The following SYBU variants were observed in gnomAD, a reference collection of about 807,000 sequenced individuals.
SYBU encodes GOLSYN A protein.
In SYBU, 21 loss-of-function variants were observed where a neutral mutation model predicts 35.9. The ratio of observed to expected loss-of-function variants is 0.58; its 90% confidence interval spans 0.41 to 0.84. SYBU has a LOEUF of 0.84. Ranked by LOEUF, SYBU falls within the 40% of genes least tolerant of loss-of-function variation. SYBU has a pLI of 0.00. For missense variants in SYBU, 768 were observed against 848.2 expected (o/e 0.91, Z 1.17); for synonymous variants, 319 against 324.3 (o/e 0.98, Z 0.18).
At chr8:109,645,634 T>TTG (rs1815606630), upstream of SYBU, 1 of 164,962 alleles carries the variant, frequency 6.1e-6, no homozygotes, top group African/African-American at 2.8e-5. Flanking sequence ...TCGTTTTTTG[T>TTG]TTTTTTTTTT....
chr8:109,627,361 G>T (rs962104893), intron 2 of SYBU, among the ~76,000 whole-genome samples: 1 of 152,074 alleles, frequency 6.6e-6, no homozygotes, highest in African/African-American at 2.4e-5. Context: ...TAGTTTAATG[G>T]AGACAGATAA....
At chr8:109,658,232 T>C (rs1816428427) in intron 1 of SYBU, among the ~76,000 whole-genome samples, 1 of 152,162 alleles carries the variant, frequency 6.6e-6, no homozygotes, top group Non-Finnish European at 1.5e-5. Context: ...TTTTAGGCCT[T>C]TTGTGATTTT....
intron 1 of SYBU, among the ~76,000 whole-genome samples, chr8:109,677,592 T>C (rs1284195797): frequency 6.6e-6 from 1 of 152,240 alleles, no homozygotes; most frequent in Non-Finnish European, 1.5e-5. Flanking sequence ...TTAAAATTAA[T>C]AAGCTGAGGA....
At chr8:109,663,453 A>G (rs894609099) in intron 1 of SYBU, among the ~76,000 whole-genome samples, 2 of 152,152 alleles carry the variant, frequency 1.3e-5, no homozygotes, top group Non-Finnish European at 2.9e-5. Flanking sequence ...ACTTGCATAA[A>G]TATTCCAATT....
rs1167637960 is a variant in SYBU, at chr8:109,574,814, A to C, written c.*92T>G. On this transcript the variant is annotated 3_prime_UTR_variant, in exon 7 of 7. Coordinates refer to ENST00000276646, the MANE Select transcript of SYBU (RefSeq NM_001099754.2). ...CAAATACCAAGGAGCAAAACGACAG[A>C]ATAGAGACTGTCACAGATGATTGAC... The C allele has an allele frequency of 1.5e-6, 2 of 1,378,976 alleles. No homozygotes were observed. Among genetic ancestry groups the C allele is most frequent in the Non-Finnish European group, 2.0e-6 (2 of 1,023,084 alleles). 85.4% of individuals were successfully genotyped at this position (1,378,976 alleles called of 1,614,324 possible). A position where few individuals can be genotyped will look rare whatever the true frequency, so the allele number is the denominator to read the frequency against.
intron 1 of SYBU, among the ~76,000 whole-genome samples, chr8:109,667,448 G>C (rs1473764302): frequency 6.6e-6 from 1 of 150,676 alleles, no homozygotes; most frequent in East Asian, 2.0e-4. Flanking sequence ...GTACTCCCTA[G>C]AAATAAACAA....
chr8:109,590,564 A>G (rs1000666021), intron 3 of SYBU, among the ~76,000 whole-genome samples: 1 of 152,130 alleles, frequency 6.6e-6, no homozygotes, highest in Non-Finnish European at 1.5e-5. Context: ...ACACACACAC[A>G]TAAACAGCTA....
intron 1 of SYBU, among the ~76,000 whole-genome samples, chr8:109,670,137 G>A (rs919511633): frequency 5.3e-5 from 8 of 151,770 alleles, no homozygotes; most frequent in African/African-American, 1.7e-4. Context: ...GTAGAAATTA[G>A]CTTCTGTTTT....
At chr8:109,651,792 G>T (rs1816152752) in intron 1 of SYBU, among the ~76,000 whole-genome samples, 1 of 151,996 alleles carries the variant, frequency 6.6e-6, no homozygotes, top group African/African-American at 2.4e-5. Flanking sequence ...TGTCTTGCTT[G>T]CTTGTTTCAC....
chr8:109,647,996 A>T (rs948038852), upstream of SYBU: 1 of 152,162 alleles, frequency 6.6e-6, no homozygotes, highest in African/African-American at 2.4e-5. Flanking sequence ...TTCTCATGTC[A>T]TTAGAAGAAA....
At position 109,642,752 on chromosome 8, in the gene SYBU, C is replaced by A; in HGVS notation, c.205G>T (p.Val69Phe). The change falls in exon 2 of 7, where the codon GTT (valine) becomes TTT (phenylalanine). Residue 69 changes from valine to phenylalanine, a missense_variant. Physicochemically the swap from Val to Phe is conservative, Grantham distance 50. Transcript: ENST00000276646. ...PSSSGRSART[V>F]SSNSFCSDDT... is the part of the protein sequence containing the mutation. Reference sequence around the variant, plus strand: ...CCTGAGCAGAAGCTGTTGCTGCTAACGGTCCTCGCTGAGCGCCCAGAGCTG... The same window carrying A: ...CCTGAGCAGAAGCTGTTGCTGCTAAAGGTCCTCGCTGAGCGCCCAGAGCTG... 1 of 1,607,712 alleles carries A rather than the reference C, an allele frequency of 6.2e-7. No homozygotes were observed. Among genetic ancestry groups the A allele is most frequent in the Non-Finnish European group, 8.5e-7 (1 of 1,177,186 alleles).
intron 1 of SYBU, among the ~76,000 whole-genome samples, chr8:109,674,251 G>GAAA (rs57756111): frequency 2.8e-5 from 4 of 145,346 alleles, no homozygotes; most frequent in South Asian, 2.2e-4. Flanking sequence ...AGGTTGAAAT[G>GAAA]AAAAAAAAAA....
intron 2 of SYBU, among the ~76,000 whole-genome samples, chr8:109,634,947 C>T (rs920507787): frequency 6.6e-5 from 10 of 152,180 alleles, no homozygotes; most frequent in African/African-American, 1.9e-4. Flanking sequence ...CTGTTTTATT[C>T]TTTGCTGTTT....
At position 109,612,977 on chromosome 8, in the gene SYBU, TAA is replaced by T. The variant is rs752877654; in HGVS notation, c.427+5863_427+5864del. Reference sequence around the variant, plus strand: ...CCTGGGTGACAGAGAAAGACTCTGTTAAAAAAAAAAAAAAAAAAAGAAGAAGA... The same window carrying T: ...CCTGGGTGACAGAGAAAGACTCTGTTAAAAAAAAAAAAAAAAAGAAGAAGA... On this transcript the variant is annotated intron_variant, in intron 3 of 6. Transcript: ENST00000276646. 5.7e-3 allele frequency among the ~76,000 whole-genome samples: 453 copies of T among 79,736 alleles called. 2 individuals carry two copies. The highest frequency in any genetic ancestry group is 0.018 in the African/African-American group (391 of 22,020). 52.3% of individuals were successfully genotyped at this position (79,736 alleles called of 152,430 possible).
At chr8:109,683,211 G>A (rs1415978482), upstream of SYBU, among the ~76,000 whole-genome samples, 2 of 152,238 alleles carry the variant, frequency 1.3e-5, no homozygotes, top group African/African-American at 2.4e-5. Flanking sequence ...CTTGTACTGT[G>A]TGCCTGGAAA....
intron 2 of SYBU, among the ~76,000 whole-genome samples, chr8:109,641,896 C>T (rs112016802): frequency 0.11 from 16,212 of 152,126 alleles, 2,348 homozygotes; most frequent in African/African-American, 0.33. Flanking sequence ...GACAGTGTGG[C>T]GATTCCTCAA....
At chr8:109,585,218 TGGGGC>T (rs1376316837) in intron 4 of SYBU, among the ~76,000 whole-genome samples, 1 of 152,228 alleles carries the variant, frequency 6.6e-6, no homozygotes, top group Non-Finnish European at 1.5e-5. Flanking sequence ...CACAGAATCC[TGGGGC>T]TTACAGTCCC....
At chr8:109,675,583 G>A (rs200853441) in intron 1 of SYBU, among the ~76,000 whole-genome samples, 11 of 151,966 alleles carry the variant, frequency 7.2e-5, no homozygotes, top group Non-Finnish European at 1.5e-4. Context: ...CCAAGACTAA[G>A]CCAGGAAGAA....
intron 3 of SYBU, among the ~76,000 whole-genome samples, chr8:109,598,160 C>T (rs1192753607): frequency 3.3e-5 from 5 of 152,202 alleles, no homozygotes; most frequent in Admixed American, 6.5e-5. Context: ...TGCCTGAGAT[C>T]CCCCAGCAGC....
Sources: allele counts gnomAD v4.1 joint callset (sites outside exome capture counted in the v4.1 genomes callset), GRCh38; gene constraint gnomAD v4.1.1; transcripts MANE v1.5; gene names NCBI Gene and HGNC (gene_info 2026-07-23, HGNC 2026-07-21).